The following ADD2 variants were observed in gnomAD, a reference collection of about 807,000 sequenced individuals.
ADD2 encodes the protein adducin 2.
In ADD2, 23 loss-of-function variants were observed where a neutral mutation model predicts 83.0. The ratio of observed to expected loss-of-function variants is 0.28; its 90% CI spans 0.20 to 0.39. The LOEUF (loss-of-function observed/expected upper bound fraction) is 0.39, where lower values mean the gene tolerates loss of function less well. Among genes scored for constraint, ADD2 ranks in the 10% least tolerant of loss-of-function variants. The pLI is 1.00. For synonymous variants in ADD2, 375 were observed against 375.4 expected, an observed-to-expected ratio of 1.00 and a Z score of 0.01; for missense variants, 758 against 944.9, an observed-to-expected ratio of 0.80 and a Z score of 2.59.
At chr2:70,720,039 T>C (rs565721499) in intron 1 of ADD2, among the ~76,000 whole-genome samples, 234 of 142,418 alleles carry the variant, frequency 1.6e-3, no homozygotes, top group African/African-American at 5.9e-3. Flanking sequence ...AGCCATAAGA[T>C]AAGAGGTGGG....
intron 2 of ADD2, among the ~76,000 whole-genome samples, chr2:70,708,380 C>T (rs1553374912): frequency 6.6e-6 from 1 of 152,150 alleles, no homozygotes; most frequent in Non-Finnish European, 1.5e-5. Context: ...AGTACTGATG[C>T]CAGATATTCT....
At position 70,660,043 on chromosome 2, in the gene ADD2, GTT is replaced by G. The variant is rs1675488154; in HGVS notation, c.*3380_*3381del. ...TTTCTCCAGTCAGATATTGGTCAAA[GTT>G]TTCAGCCAACTTTTATCCACAGCCA... is the stretch of plus-strand genomic sequence containing the variant. On this transcript the variant is annotated 3_prime_UTR_variant, in exon 16 of 16. Transcript: ENST00000264436. 2 of 152,180 alleles carry G rather than the reference GTT, an allele frequency of 1.3e-5. No individual in the cohort carries two copies. 9.4% of individuals were successfully genotyped at this position (152,180 alleles called of 1,614,324 possible).
At chr2:70,669,142 G>A (rs1669796482) in intron 15 of ADD2, among the ~76,000 whole-genome samples, 1 of 152,222 alleles carries the variant, frequency 6.6e-6, no homozygotes, top group South Asian at 2.1e-4. Context: ...CAGAGGGGAA[G>A]AAGAGCAACA....
At chr2:70,684,429 G>A (rs1271310692) in intron 9 of ADD2, among the ~76,000 whole-genome samples, 1 of 152,040 alleles carries the variant, frequency 6.6e-6, no homozygotes, top group African/African-American at 2.4e-5. Flanking sequence ...TGTATTTTTT[G>A]TAGAGATGGG....
At chr2:70,697,718 C>T (rs924023265) in intron 4 of ADD2, among the ~76,000 whole-genome samples, 7 of 151,988 alleles carry the variant, frequency 4.6e-5, no homozygotes, top group African/African-American at 1.2e-4. Flanking sequence ...GAAGTGATGA[C>T]GTGGTCTACA....
intron 1 of ADD2, among the ~76,000 whole-genome samples, chr2:70,754,542 C>T (rs985385363): frequency 5.3e-5 from 8 of 151,668 alleles, no homozygotes; most frequent in African/African-American, 1.7e-4. Flanking sequence ...TGTTACTCTC[C>T]TCTACTGCCC....
At chr2:70,695,886 G>A in intron 5 of ADD2, 85 bp from the exon 6 acceptor site, 1 of 1,167,180 alleles carries the variant, frequency 8.6e-7, no homozygotes, top group Non-Finnish European at 1.3e-6. Context: ...CTCTTCCCCT[G>A]AATCTACTGC....
rs1673113981 is a variant in ADD2, at chr2:70,728,324, T to C, written c.-153-15140A>G. Among the ~76,000 whole-genome samples, 3 of 151,678 alleles carry C rather than the reference T, an allele frequency of 2.0e-5. No individual in the cohort carries two copies. The South Asian group carries it at 6.3e-4, about 32-fold the overall frequency. On this transcript the variant is annotated intron_variant, in intron 1 of 15. Transcript: ENST00000264436. ...TGGGCCGGGCTCCAGTGTGACAGAGTCGGGAAGGCCCTTAGCATATACCCA... is the reference window on the plus strand; with the variant it reads ...TGGGCCGGGCTCCAGTGTGACAGAGCCGGGAAGGCCCTTAGCATATACCCA...
rs1351815876 is a variant in ADD2 at position 70,663,739 on chromosome 2, GAA to G, written c.1871-6_1871-5del. On this transcript the variant is annotated splice_region_variant and splice_polypyrimidine_tract_variant and intron_variant, in intron 15 of 15. Coordinates refer to ENST00000264436, the MANE Select transcript of ADD2 (RefSeq NM_001617.4). ...GTTTCTGTCTTCTTAGTACCTTCTA[GAA>G]AAAGATCAAAAGATATGACCTGTAA... 1 of 1,610,526 alleles carries G rather than the reference GAA, an allele frequency of 6.2e-7. No individual in the cohort carries two copies. Among genetic ancestry groups the G allele is most frequent in the Admixed American group, 1.7e-5 (1 of 59,484 alleles).
At chr2:70,730,518 A>T (rs1673228755) in intron 1 of ADD2, among the ~76,000 whole-genome samples, 1 of 152,266 alleles carries the variant, frequency 6.6e-6, no homozygotes, top group African/African-American at 2.4e-5. Context: ...AAGGCAAGCT[A>T]ACCTACAGGC....
intron 1 of ADD2, among the ~76,000 whole-genome samples, chr2:70,720,838 G>C (rs543744315): frequency 3.2e-4 from 48 of 152,302 alleles, no homozygotes; most frequent in African/African-American, 1.1e-3. Flanking sequence ...AAGCAGAAAT[G>C]ATGGCATCCC....
At chr2:70,749,118 G>A (rs1475886428) in intron 1 of ADD2, among the ~76,000 whole-genome samples, 1 of 152,112 alleles carries the variant, frequency 6.6e-6, no homozygotes, top group African/African-American at 2.4e-5. Context: ...TACAATCATG[G>A]CAGAAGACAC....
At chr2:70,689,333 A>T (rs1429566096) in intron 8 of ADD2, among the ~76,000 whole-genome samples, 4 of 152,234 alleles carry the variant, frequency 2.6e-5, no homozygotes, top group Admixed American at 2.0e-4. Flanking sequence ...GAACCAGATG[A>T]CACCAGCCTG....
At chr2:70,752,210 A>G (rs2104532856) in intron 1 of ADD2, among the ~76,000 whole-genome samples, 1 of 152,310 alleles carries the variant, frequency 6.6e-6, no homozygotes, top group Middle Eastern at 3.4e-3. Flanking sequence ...TATATTCATA[A>G]CAAGGGAGAA....
At chr2:70,758,225 G>T (rs1674898671) in intron 1 of ADD2, among the ~76,000 whole-genome samples, 1 of 152,146 alleles carries the variant, frequency 6.6e-6, no homozygotes, top group Admixed American at 6.5e-5. Context: ...ACAGATGATG[G>T]GATACAATAA....
intron 1 of ADD2, among the ~76,000 whole-genome samples, chr2:70,728,505 G>C (rs1553378717): frequency 6.6e-6 from 1 of 152,180 alleles, no homozygotes; most frequent in African/African-American, 2.4e-5. Context: ...TCGAGAAGAG[G>C]TGCACTAGGT....
rs1553368397 is a variant in ADD2, at chr2:70,676,810, TCTC to T, written c.1576_1578del (p.Glu526del). 3.7e-6 allele frequency: 6 copies of T among 1,614,172 alleles called. No homozygotes were observed. Among genetic ancestry groups the T allele is most frequent in the Non-Finnish European group, 5.1e-6 (6 of 1,180,004 alleles). Reference sequence around the variant, plus strand: ...CTCTGCTCTACCGGGCTTCGGCTCTTCTCGGCAATGACGCTCGCCAGGAGCTGG... The same window carrying T: ...CTCTGCTCTACCGGGCTTCGGCTCTTGGCAATGACGCTCGCCAGGAGCTGG... On this transcript the variant is annotated inframe_deletion, in exon 13 of 16. Coordinates refer to ENST00000264436, the MANE Select transcript of ADD2 (RefSeq NM_001617.4). The surrounding 1 kb of genome is among the most constrained non-coding windows in gnomAD (Gnocchi z 4.8).
Position 70,690,864 on chromosome 2 carries a change from G to C in ADD2, c.771C>G (p.Ala257=). 1 of 1,614,134 alleles carries C rather than the reference G, an allele frequency of 6.2e-7. No individual in the cohort carries two copies. Among genetic ancestry groups the C allele is most frequent in the Non-Finnish European group, 8.5e-7 (1 of 1,180,032 alleles). ...CCATTTCCCCATTGAAGTCATAATA[G>C]GCCATGTCCCCCACCAGCAGGGCAT... ...SHNALLVGDM[A]YYDFNGEMEQ... Residue 257 remains alanine (A), a synonymous_variant, in exon 8 of 16, where the codon GCC becomes GCG. Coordinates refer to ENST00000264436, the MANE Select transcript of ADD2 (RefSeq NM_001617.4).
intron 2 of ADD2, among the ~76,000 whole-genome samples, chr2:70,711,433 C>A (rs1006416112): frequency 6.6e-6 from 1 of 152,146 alleles, no homozygotes; most frequent in African/African-American, 2.4e-5. Flanking sequence ...CCACCCCCCA[C>A]CAATCCCGCC....
Sources: allele counts gnomAD v4.1 joint callset (sites outside exome capture counted in the v4.1 genomes callset), GRCh38; gene constraint gnomAD v4.1.1; non-coding constraint Gnocchi (gnomAD v3.1); transcripts MANE v1.5; gene names NCBI Gene and HGNC (gene_info 2026-07-23, HGNC 2026-07-21).